ANTXR1: variants seen among roughly 807,000 people sequenced by gnomAD.
The protein encoded by ANTXR1 is ANTXR cell adhesion molecule 1.
Under a neutral mutation model 78.1 loss-of-function variants are expected in ANTXR1, and 19 were observed. The observed-to-expected ratio is 0.24, with a 90% CI of 0.17 to 0.36. The LOEUF (loss-of-function observed/expected upper bound fraction) is 0.36. Among genes scored for constraint, ANTXR1 ranks in the 10% least tolerant of loss-of-function variants. The probability of loss-of-function intolerance (pLI) is 1.00; values close to 1 mark genes in which losing one functional copy is unlikely to be tolerated. For missense variants in ANTXR1, 518 were observed against 718.6 expected (o/e 0.72, Z 3.19); for synonymous variants, 273 against 260.5 (o/e 1.05, Z -0.46).
chr2:69,038,147 C>G (rs1250370651), intron 1 of ANTXR1, among the ~76,000 whole-genome samples: 1 of 152,188 alleles, frequency 6.6e-6, no homozygotes, highest in Non-Finnish European at 1.5e-5. Flanking sequence ...AATGCACAGT[C>G]CTCAACTACA....
chr2:69,248,124 C>T lies in ANTXR1; in HGVS notation c.*2639C>T, dbSNP rs1676060550. The T allele has an allele frequency of 6.0e-6, 1 of 165,636 alleles. No homozygotes were observed. Among genetic ancestry groups the T allele is most frequent in the Non-Finnish European group, 1.5e-5 (1 of 67,200 alleles). The allele number at this position is 165,636 out of a possible 1,614,324, so 10.3% of individuals were successfully genotyped here. On this transcript the variant is annotated 3_prime_UTR_variant, in exon 18 of 18. Transcript: ENST00000303714. ...AATCCATCAATACTTGTGTCATTCC[C>T]TGTAAAAGGCAGGAGACATGTGATT...
At chr2:69,068,720 A>T (rs1352276507) in intron 3 of ANTXR1, among the ~76,000 whole-genome samples, 1 of 152,232 alleles carries the variant, frequency 6.6e-6, no homozygotes, top group African/African-American at 2.4e-5. Context: ...CCATGATTTC[A>T]TCTGTACTTT....
At chr2:69,048,472 C>A (rs1364905237) in intron 3 of ANTXR1, among the ~76,000 whole-genome samples, 3 of 152,052 alleles carry the variant, frequency 2.0e-5, no homozygotes, top group Non-Finnish European at 4.4e-5. Flanking sequence ...TTATTACTAC[C>A]TTTCTTTACA....
intron 1 of ANTXR1, among the ~76,000 whole-genome samples, chr2:69,024,735 C>T (rs770274101): frequency 6.6e-6 from 1 of 152,126 alleles, no homozygotes; most frequent in African/African-American, 2.4e-5. Context: ...CATATCTCTC[C>T]CAGGTTGACC....
At chr2:69,233,817 G>A (rs1431821199) in intron 17 of ANTXR1, among the ~76,000 whole-genome samples, 1 of 151,450 alleles carries the variant, frequency 6.6e-6, no homozygotes, top group African/African-American at 2.4e-5. Context: ...TATTAGAAAT[G>A]GAAAATATTA....
At chr2:69,245,198 G>A (rs554747532) in intron 17 of ANTXR1, 27 bp from the exon 18 acceptor site, 25 of 1,613,920 alleles carry the variant, frequency 1.5e-5, no homozygotes, top group South Asian at 1.1e-4. Flanking sequence ...GTCCGCTCAC[G>A]TTTCCTTCTC....
chr2:69,209,506 A>T, intron 17 of ANTXR1, among the ~76,000 whole-genome samples: 1 of 152,248 alleles, frequency 6.6e-6, no homozygotes, highest in Non-Finnish European at 1.5e-5. Context: ...TGGTCCTTTC[A>T]TGGAGTTTGT....
rs187359895 is a variant in ANTXR1, at chr2:69,038,644, T to A, written c.153-1400T>A. Among the ~76,000 whole-genome samples the A allele has an allele frequency of 9.4e-4, 143 of 152,326 alleles. No homozygotes were observed. The Middle Eastern group carries it at 0.01, about 11-fold the overall frequency. On this transcript the variant is annotated intron_variant, in intron 1 of 17. Coordinates refer to ENST00000303714, the MANE Select transcript of ANTXR1 (RefSeq NM_032208.3). Reference sequence around the variant, plus strand: ...GAATATATTCATAGAAATTGTGTACTGGTGGATTTATAATTTTTTTCTCTA... The same window carrying A: ...GAATATATTCATAGAAATTGTGTACAGGTGGATTTATAATTTTTTTCTCTA...
At chr2:69,046,492 G>C (rs925679682) in intron 3 of ANTXR1, among the ~76,000 whole-genome samples, 3 of 152,164 alleles carry the variant, frequency 2.0e-5, no homozygotes, top group African/African-American at 7.2e-5. Context: ...TAGAGTCCCT[G>C]GTTTGCTGGA....
chr2:69,030,062 G>A (rs1027976047), intron 1 of ANTXR1, among the ~76,000 whole-genome samples: 2 of 152,196 alleles, frequency 1.3e-5, no homozygotes, highest in Admixed American at 6.5e-5. Context: ...GGTAGCAAGA[G>A]GGAGGGAAAT....
intron 14 of ANTXR1, among the ~76,000 whole-genome samples, chr2:69,180,919 C>A (rs1275378865): frequency 6.6e-6 from 1 of 152,094 alleles, no homozygotes; most frequent in Non-Finnish European, 1.5e-5. Flanking sequence ...GGGGGAAGTG[C>A]TTTCCTAGAC....
At position 69,131,750 on chromosome 2, in the gene ANTXR1, G is replaced by A. The variant is rs530067219; in HGVS notation, c.951+7107G>A. On this transcript the variant is annotated intron_variant, in intron 12 of 17. Transcript: ENST00000303714. ...TACTGGCAGGAAAGAAAAGGAGCCA[G>A]AAGGAGGTAGAATCAGAACAGGGGG... is the stretch of plus-strand genomic sequence containing the variant. 3.3e-5 allele frequency among the ~76,000 whole-genome samples: 5 copies of A among 152,332 alleles called. No individual in the cohort carries two copies. The East Asian group carries it at 9.6e-4, about 29-fold the overall frequency.
intron 12 of ANTXR1, chr2:69,145,417 A>G: frequency 6.4e-7 from 1 of 1,570,810 alleles, no homozygotes; most frequent in East Asian, 2.3e-5. Context: ...CACACTCCTG[A>G]AAACGGGGAG....
At chr2:69,105,005 G>T (rs1671758540) in intron 10 of ANTXR1, among the ~76,000 whole-genome samples, 1 of 152,208 alleles carries the variant, frequency 6.6e-6, no homozygotes, top group Non-Finnish European at 1.5e-5. Context: ...AGGATCACTT[G>T]AGGCCAGGAG....
At chr2:69,111,969 T>C (rs1341841172) in intron 10 of ANTXR1, among the ~76,000 whole-genome samples, 1 of 152,222 alleles carries the variant, frequency 6.6e-6, no homozygotes, top group African/African-American at 2.4e-5. Flanking sequence ...TCCTTTGTTA[T>C]GGGTTAGAGT....
At chr2:69,161,971 G>A (rs1330639784) in intron 13 of ANTXR1, among the ~76,000 whole-genome samples, 3 of 152,022 alleles carry the variant, frequency 2.0e-5, no homozygotes, top group Non-Finnish European at 4.4e-5. Context: ...TCTAAATACA[G>A]GCACATTTAT....
chr2:69,115,440 G>A (rs1025897016), intron 10 of ANTXR1, among the ~76,000 whole-genome samples: 1 of 152,176 alleles, frequency 6.6e-6, no homozygotes, highest in African/African-American at 2.4e-5. Flanking sequence ...CTTATTAAGT[G>A]CTAAGCATTA....
intron 17 of ANTXR1, among the ~76,000 whole-genome samples, chr2:69,231,756 G>T (rs1204991747): frequency 6.6e-6 from 1 of 152,056 alleles, no homozygotes; most frequent in African/African-American, 2.4e-5. Context: ...AGGCCTCCCT[G>T]CAGTAGGCCA....
chr2:69,201,809 G>A lies in ANTXR1; in HGVS notation c.1434+8394G>A, dbSNP rs553194167. ...CAGCTTTGCGAGGGAAGATGAGGAC[G>A]TCACTTTTTAACTTGTGGAGTTCAC... On this transcript the variant is annotated intron_variant, in intron 17 of 17. Transcript: ENST00000303714. Among the ~76,000 whole-genome samples the A allele has an allele frequency of 1.3e-4, 20 of 152,280 alleles. No homozygotes were observed. The South Asian group carries it at 3.9e-3, about 30-fold the overall frequency.
Sources: allele counts gnomAD v4.1 joint callset (sites outside exome capture counted in the v4.1 genomes callset), GRCh38; gene constraint gnomAD v4.1.1; transcripts MANE v1.5; gene names NCBI Gene and HGNC (gene_info 2026-07-23, HGNC 2026-07-21).